CAPS2: variants seen among roughly 807,000 people sequenced by gnomAD.
The protein encoded by CAPS2 is calcyphosine 2.
A neutral mutation model predicts 86.5 loss-of-function variants in CAPS2; 98 were observed. The observed-to-expected ratio is 1.13, with a 90% CI of 0.96 to 1.34. The LOEUF is 1.34. Among genes scored for constraint, CAPS2 ranks in the 40% most tolerant of loss-of-function variants. The pLI, the probability that CAPS2 is intolerant of heterozygous loss-of-function variation, is 0.00. For synonymous variants in CAPS2, 210 were observed against 225.1 expected, an observed-to-expected ratio of 0.93 and a Z score of 0.60; for missense variants, 729 against 686.8, an observed-to-expected ratio of 1.06 and a Z score of -0.69.
chr12:75,292,686 C>CATATAATCTATAATATAATCTATA (rs1191305128), intron 12 of CAPS2, among the ~76,000 whole-genome samples: 2 of 145,044 alleles, frequency 1.4e-5, no homozygotes, highest in East Asian at 4.0e-4. Flanking sequence ...ATCTATAATA[C>CATATAATCTATAATATAATCTATA]ATATATAATA....
intron 8 of CAPS2, among the ~76,000 whole-genome samples, chr12:75,303,596 G>A (rs1197558662): frequency 1.3e-5 from 2 of 152,096 alleles, no homozygotes; most frequent in Non-Finnish European, 2.9e-5. Flanking sequence ...GTGAATGTAC[G>A]TTTTATTTCA....
chr12:75,371,859 G>A (rs1050649313), intron 1 of CAPS2, among the ~76,000 whole-genome samples: 15 of 152,156 alleles, frequency 9.9e-5, no homozygotes, highest in South Asian at 4.1e-4. Flanking sequence ...AACTGGTCAC[G>A]TGGTTGTATT....
upstream of CAPS2, chr12:75,334,787 C>T: frequency 1.9e-6 from 3 of 1,614,094 alleles, no homozygotes; most frequent in Non-Finnish European, 2.5e-6. Flanking sequence ...TTGGTAGCCA[C>T]TACATCTTCC....
chr12:75,369,414 C>A, intron 1 of CAPS2: 2 of 581,278 alleles, frequency 3.4e-6, no homozygotes, highest in Non-Finnish European at 4.3e-6. Flanking sequence ...ATATCCAAAG[C>A]TAGAATCATG....
At chr12:75,377,476 T>C (rs918673143) in intron 1 of CAPS2, among the ~76,000 whole-genome samples, 4 of 152,114 alleles carry the variant, frequency 2.6e-5, no homozygotes, top group African/African-American at 9.7e-5. Flanking sequence ...AAGCCCACAA[T>C]GCAGCCATCA....
intron 1 of CAPS2, among the ~76,000 whole-genome samples, chr12:75,380,331 G>GATCAC (rs1173265723): frequency 6.6e-6 from 1 of 152,136 alleles, no homozygotes; most frequent in African/African-American, 2.4e-5. Context: ...ATCACTAACT[G>GATCAC]TACCAGGGGA....
At chr12:75,321,702 C>A in intron 4 of CAPS2, 126 bp from the exon 5 acceptor site, 2 of 691,912 alleles carry the variant, frequency 2.9e-6, no homozygotes, top group South Asian at 3.5e-5. Context: ...AGTCAATGTT[C>A]TAAGCAGAGA....
intron 2 of CAPS2, among the ~76,000 whole-genome samples, chr12:75,324,120 G>GT (rs1348265721): frequency 6.6e-6 from 1 of 152,142 alleles, no homozygotes. Context: ...AAGAAACATG[G>GT]TTTTATATTG....
At chr12:75,387,897 T>C (rs1255453914) in intron 1 of CAPS2, among the ~76,000 whole-genome samples, 1 of 152,204 alleles carries the variant, frequency 6.6e-6, no homozygotes, top group African/African-American at 2.4e-5. Context: ...TAACATATAG[T>C]TATGATCCAG....
chr12:75,302,339 G>C (rs2037922067), intron 8 of CAPS2, among the ~76,000 whole-genome samples: 1 of 152,180 alleles, frequency 6.6e-6, no homozygotes, highest in East Asian at 1.9e-4. Flanking sequence ...ACAGGGAACA[G>C]ATGATACTGA....
intron 14 of CAPS2, among the ~76,000 whole-genome samples, chr12:75,285,339 T>C (rs558863239): frequency 1.5e-4 from 23 of 152,172 alleles, no homozygotes; most frequent in African/African-American, 5.3e-4. Flanking sequence ...GTTTTATTTT[T>C]GATGGACAAA....
chr12:75,344,226 C>T lies in CAPS2; in HGVS notation c.-394-21004G>A, dbSNP rs554253108. On this transcript the variant is annotated intron_variant, in intron 1 of 5. Transcript: ENST00000551829. ...CTTCTTTCTCTCACTCTCTCTCTTC[C>T]CTTCCCTGGAAGTGGGAAGTTCTCT... Among the ~76,000 whole-genome samples the T allele has an allele frequency of 7.2e-5, 11 of 152,142 alleles. No homozygotes were observed. In the South Asian group the frequency reaches 2.3e-3, roughly 32 times the overall value.
chr12:75,306,179 G>A (rs2038470073), intron 7 of CAPS2: 2 of 833,970 alleles, frequency 2.4e-6, no homozygotes, highest in Non-Finnish European at 3.9e-6. Context: ...CTGAAGTACC[G>A]GCCCGGCCCC....
At chr12:75,285,805 G>A (rs546018699) in intron 14 of CAPS2, among the ~76,000 whole-genome samples, 6 of 151,856 alleles carry the variant, frequency 4.0e-5, no homozygotes, top group East Asian at 3.9e-4. Flanking sequence ...AGTCACATCC[G>A]GTCCTGGAGT....
chr12:75,326,602 C>A, upstream of CAPS2: 1 of 708,792 alleles, frequency 1.4e-6, no homozygotes, highest in Non-Finnish European at 2.5e-6. Flanking sequence ...AATTACCTAA[C>A]AAGTCTACCT....
intron 1 of CAPS2, among the ~76,000 whole-genome samples, chr12:75,351,994 C>A (rs568721525): frequency 2.0e-5 from 3 of 152,270 alleles, no homozygotes; most frequent in Non-Finnish European, 4.4e-5. Context: ...CTTGCAAGAG[C>A]TCCTGAAGGA....
chr12:75,300,013 C>T (rs1385978236), intron 8 of CAPS2, 102 bp from the exon 9 acceptor site: 3 of 484,416 alleles, frequency 6.2e-6, no homozygotes, highest in African/African-American at 4.0e-5. Context: ...TGAAACCACA[C>T]AGATTGGATA....
chr12:75,289,136 C>T (rs1038264335), intron 14 of CAPS2, among the ~76,000 whole-genome samples: 1 of 152,136 alleles, frequency 6.6e-6, no homozygotes, highest in Admixed American at 6.5e-5. Context: ...CATGTGTCTC[C>T]TTCTCATAAA....
chr12:75,381,671 G>A (rs2044995207), intron 1 of CAPS2, among the ~76,000 whole-genome samples: 1 of 141,390 alleles, frequency 7.1e-6, no homozygotes, highest in African/African-American at 2.7e-5. Flanking sequence ...CTGGAGTGCA[G>A]TGGCACAATC....
Sources: allele counts gnomAD v4.1 joint callset (sites outside exome capture counted in the v4.1 genomes callset), GRCh38; gene constraint gnomAD v4.1.1; transcripts MANE v1.5; gene names NCBI Gene and HGNC (gene_info 2026-07-23, HGNC 2026-07-21).